COLEC10: variants seen among roughly 807,000 people sequenced by gnomAD.
COLEC10 encodes the protein collectin subfamily member 10, also known as collectin-10.
COLEC10 carries 22 observed loss-of-function variants against 28.4 expected under a neutral mutation model. That is an observed-to-expected ratio of 0.78 (90% CI 0.55 to 1.11). COLEC10 has a LOEUF of 1.11. COLEC10 is among the 50% of genes least tolerant of loss of function. COLEC10 has a pLI of 0.00. For missense variants in COLEC10, 361 were observed against 344.1 expected, an observed-to-expected ratio of 1.05 and a Z score of -0.39; for synonymous variants, 125 against 116.1, an observed-to-expected ratio of 1.08 and a Z score of -0.49.
At chr8:119,063,860 T>C (rs1024179341), upstream of COLEC10, among the ~76,000 whole-genome samples, 4 of 152,124 alleles carry the variant, frequency 2.6e-5, no homozygotes, top group African/African-American at 7.2e-5. Context: ...AAATGAAAGA[T>C]AAAAGCAGTC....
In COLEC10 at chr8:119,107,768, G is replaced by A. The variant is rs1199934637; in HGVS notation, c.*1577G>A. Among the ~76,000 whole-genome samples, 1 of 152,138 alleles carries A rather than the reference G, an allele frequency of 6.6e-6. No homozygotes were observed. The highest frequency in any genetic ancestry group is 1.5e-5 in the Non-Finnish European group (1 of 68,028). ...CAGCTGCTCCTCAGTGGCTGCTGCTGGTGCTAGGGAGGACCCAATCTTGCT... is the reference window on the plus strand; with the variant it reads ...CAGCTGCTCCTCAGTGGCTGCTGCTAGTGCTAGGGAGGACCCAATCTTGCT... On this transcript the variant is annotated 3_prime_UTR_variant, in exon 6 of 6. Coordinates refer to ENST00000332843, the MANE Select transcript of COLEC10 (RefSeq NM_006438.5).
At position 119,103,891 on chromosome 8, in the gene COLEC10, GA is replaced by G. The variant is rs1310804281; in HGVS notation, c.440del (p.Asn147MetfsTer2). 6.3e-7 allele frequency: 1 copy of G among 1,598,628 alleles called. No individual in the cohort carries two copies. The highest frequency in any genetic ancestry group is 1.3e-5 in the African/African-American group (1 of 74,482). ...RLKTSMKFVKNVIAGIRETEE... is the reference protein window; with the variant it reads ...RLKTSMKFVKXVIAGIRETEE... The stretch of plus-strand genomic sequence containing the variant: ...TCAAGACATCTATGAAGTTTGTCAA[GA>G]ATGGTGAGCATATTCTCTTTTGTGT... On this transcript the variant is annotated frameshift_variant, in exon 5 of 6. Coordinates refer to ENST00000332843, the MANE Select transcript of COLEC10 (RefSeq NM_006438.5). LOFTEE classifies it high-confidence loss of function.
rs377627200 is a variant in COLEC10 at position 119,069,907 on chromosome 8, C to T, written c.148+2478C>T. On this transcript the variant is annotated intron_variant, in intron 1 of 5. Transcript: ENST00000332843. ...ATTACTGTATTTACTAGCACTGCAGCACAGTGCTCAGAAGTTTCTAGATAC... is the reference window on the plus strand; with the variant it reads ...ATTACTGTATTTACTAGCACTGCAGTACAGTGCTCAGAAGTTTCTAGATAC... Among the ~76,000 whole-genome samples, 5 of 151,844 alleles carry T rather than the reference C, an allele frequency of 3.3e-5. No individual in the cohort carries two copies. In the East Asian group the frequency reaches 5.8e-4, roughly 18 times the overall value.
the COLEC10 span, among the ~76,000 whole-genome samples, chr8:118,958,526 A>C: frequency 6.6e-6 from 1 of 152,210 alleles, no homozygotes; most frequent in Non-Finnish European, 1.5e-5. Context: ...CCTCCTCGGC[A>C]AGAAAAAGCC....
intron 2 of COLEC10, among the ~76,000 whole-genome samples, chr8:119,015,051 T>A (rs200044676): frequency 6.6e-6 from 1 of 151,190 alleles, no homozygotes; most frequent in African/African-American, 2.5e-5. Flanking sequence ...AACTTCAATA[T>A]CCCTGCCATA....
intron 2 of COLEC10, among the ~76,000 whole-genome samples, chr8:119,034,639 G>A (rs1298493122): frequency 6.6e-6 from 1 of 152,158 alleles, no homozygotes; most frequent in East Asian, 1.9e-4. Context: ...AACCCAGGAG[G>A]CGGAGGTTGC....
chr8:119,039,561 TG>T (rs1322473954), intron 2 of COLEC10, among the ~76,000 whole-genome samples: 2 of 152,200 alleles, frequency 1.3e-5, no homozygotes, highest in Non-Finnish European at 2.9e-5. Context: ...TGGTGTGGAA[TG>T]GTATTAGTTT....
intron 2 of COLEC10, among the ~76,000 whole-genome samples, chr8:119,035,239 A>T (rs1286970645): frequency 6.6e-6 from 1 of 152,248 alleles, no homozygotes; most frequent in Non-Finnish European, 1.5e-5. Context: ...TGAGCTCAAG[A>T]TGGCTTTATA....
chr8:119,067,513 C>T, intron 1 of COLEC10, 84 bp downstream of exon 1: 1 of 1,264,846 alleles, frequency 7.9e-7, no homozygotes, highest in Admixed American at 2.2e-5. Context: ...ATTTCAATGA[C>T]TTTCTCTTCT....
rs117762402 is a variant in COLEC10 at position 119,018,173 on chromosome 8, T to A, written n.235+8620T>A. Among the ~76,000 whole-genome samples the A allele has an allele frequency of 4.0e-4, 61 of 152,316 alleles. No homozygotes were observed. In the East Asian group the frequency reaches 0.011, roughly 28 times the overall value. On this transcript the variant is annotated intron_variant and non_coding_transcript_variant, in intron 2 of 6. Coordinates refer to the COLEC10 transcript ENST00000521788. ...AAAAGAAATTGTTTGCACTGCGCCA[T>A]CTTAGTGGGAGACCTTTACTAAAAG...
At chr8:119,090,927 A>G (rs1350561441) in intron 2 of COLEC10, among the ~76,000 whole-genome samples, 1 of 152,328 alleles carries the variant, frequency 6.6e-6, no homozygotes. Flanking sequence ...AAGTATTTTA[A>G]TATCATCATG....
chr8:118,987,260 G>A, the COLEC10 span, among the ~76,000 whole-genome samples: 2 of 152,116 alleles, frequency 1.3e-5, no homozygotes, highest in African/African-American at 2.4e-5. Flanking sequence ...ACTTACAAAG[G>A]AGCAAGAATG....
At chr8:118,994,793 AT>A (rs1813562500), upstream of COLEC10, among the ~76,000 whole-genome samples, 1 of 152,112 alleles carries the variant, frequency 6.6e-6, no homozygotes, top group African/African-American at 2.4e-5. Context: ...CGGGGATGAA[AT>A]AAAAGTTATG....
chr8:118,954,973 A>G, the COLEC10 span, among the ~76,000 whole-genome samples: 3 of 152,368 alleles, frequency 2.0e-5, no homozygotes, highest in Admixed American at 2.0e-4. Flanking sequence ...TTAACTGAAA[A>G]GTGTCTAAAA....
chr8:118,997,894 T>A (rs756208021), intron 1 of COLEC10, among the ~76,000 whole-genome samples: 1 of 152,188 alleles, frequency 6.6e-6, no homozygotes. Context: ...TAGAGAGCAG[T>A]AAAATAAAGG....
chr8:118,957,454 T>C, the COLEC10 span, among the ~76,000 whole-genome samples: 1 of 152,034 alleles, frequency 6.6e-6, no homozygotes, highest in Non-Finnish European at 1.5e-5. Context: ...AAAGAACACA[T>C]GAGGTGGCCC....
intron 1 of COLEC10, among the ~76,000 whole-genome samples, chr8:119,087,681 T>A (rs1815507462): frequency 6.6e-6 from 1 of 152,030 alleles, no homozygotes. Context: ...GCAACCCCCC[T>A]TTTTGCCCTG....
At chr8:118,983,379 T>C in the COLEC10 span, among the ~76,000 whole-genome samples, 4 of 152,276 alleles carry the variant, frequency 2.6e-5, no homozygotes, top group Non-Finnish European at 5.9e-5. Context: ...GTCAGTGTGA[T>C]ATGTTAAAGC....
chr8:119,098,484 A>C (rs897535333), intron 3 of COLEC10, among the ~76,000 whole-genome samples: 15 of 152,078 alleles, frequency 9.9e-5, no homozygotes, highest in African/African-American at 3.6e-4. Flanking sequence ...TGATTAGCTT[A>C]TCTGTTTCCC....
Sources: gnomAD v4.1 joint callset for allele counts (sites outside exome capture counted in the v4.1 genomes callset) on GRCh38, gnomAD v4.1.1 for gene constraint, MANE v1.5 for transcripts, NCBI Gene and HGNC (gene_info 2026-07-23, HGNC 2026-07-21) for gene names.